Variants in GRM8 observed in about 807,000 individuals in gnomAD.
The protein encoded by GRM8 is glutamate metabotropic receptor 8.
Under a neutral mutation model 87.2 loss-of-function variants are expected in GRM8, and 47 were observed. That is an observed-to-expected ratio of 0.54 (90% CI 0.43 to 0.69). The LOEUF is 0.69. Among genes scored for constraint, GRM8 ranks in the 30% least tolerant of loss-of-function variants. The pLI is 0.00. For synonymous variants in GRM8, 396 were observed against 404.5 expected, an observed-to-expected ratio of 0.98 and a Z score of 0.25; for missense variants, 1,019 against 1,139.2, an observed-to-expected ratio of 0.89 and a Z score of 1.52.
chr7:126,847,687 G>C (rs1005425372), intron 6 of GRM8, among the ~76,000 whole-genome samples: 2 of 152,170 alleles, frequency 1.3e-5, no homozygotes, highest in African/African-American at 4.8e-5. Context: ...GAGCCCAAGA[G>C]AGAGAATCAG....
intron 6 of GRM8, among the ~76,000 whole-genome samples, chr7:126,826,667 G>A (rs1298400736): frequency 6.6e-6 from 1 of 151,990 alleles, no homozygotes; most frequent in African/African-American, 2.4e-5. Context: ...TTTGTAGGTT[G>A]CCTGTTCACT....
In GRM8 at chr7:126,669,740, C is replaced by G. The variant is rs140346438; in HGVS notation, c.1358-60242G>C. Among the ~76,000 whole-genome samples the G allele has an allele frequency of 6.6e-5, 10 of 152,274 alleles. No homozygotes were observed. In the East Asian group the frequency reaches 1.9e-3, roughly 29 times the overall value. ...ACAATTGCTGGGGTTACCATTATAACAGGTAATTGAGACTACTCAAAATAG... is the reference window on the plus strand; with the variant it reads ...ACAATTGCTGGGGTTACCATTATAAGAGGTAATTGAGACTACTCAAAATAG... On this transcript the variant is annotated intron_variant, in intron 7 of 10. Transcript: ENST00000339582.
At chr7:126,727,967 C>T (rs951287923) in intron 7 of GRM8, among the ~76,000 whole-genome samples, 1 of 152,122 alleles carries the variant, frequency 6.6e-6, no homozygotes, top group East Asian at 1.9e-4. Context: ...TGCTTACATT[C>T]TGATATGATT....
chr7:126,639,286 G>T (rs574495257), intron 7 of GRM8, among the ~76,000 whole-genome samples: 1 of 152,080 alleles, frequency 6.6e-6, no homozygotes, highest in African/African-American at 2.4e-5. Context: ...GTCACAAATT[G>T]TAAGAGGTAA....
At chr7:126,523,063 G>T in intron 9 of GRM8, among the ~76,000 whole-genome samples, 1 of 152,170 alleles carries the variant, frequency 6.6e-6, no homozygotes, top group East Asian at 1.9e-4. Context: ...TTTAGCAATT[G>T]TATTAAACCT....
At chr7:126,559,456 C>T (rs1041734001) in intron 8 of GRM8, among the ~76,000 whole-genome samples, 2 of 151,994 alleles carry the variant, frequency 1.3e-5, no homozygotes, top group Admixed American at 1.3e-4. Context: ...TACAGGCATA[C>T]GCCACCACAC....
chr7:126,784,130 A>G (rs1392699001), intron 6 of GRM8, among the ~76,000 whole-genome samples: 3 of 152,194 alleles, frequency 2.0e-5, no homozygotes, highest in Non-Finnish European at 4.4e-5. Context: ...AGGACCTGGA[A>G]AACATTCCAA....
At chr7:126,614,182 C>T (rs986140734) in intron 7 of GRM8, among the ~76,000 whole-genome samples, 1 of 152,136 alleles carries the variant, frequency 6.6e-6, no homozygotes, top group Non-Finnish European at 1.5e-5. Context: ...GACGAAACTT[C>T]CAGAGGAACG....
chr7:127,042,642 C>A (rs1818533530), intron 3 of GRM8, among the ~76,000 whole-genome samples: 1 of 152,154 alleles, frequency 6.6e-6, no homozygotes, highest in Non-Finnish European at 1.5e-5. Flanking sequence ...AAATGTTACA[C>A]CTAAAACCAT....
intron 3 of GRM8, among the ~76,000 whole-genome samples, chr7:127,048,793 G>C (rs886265808): frequency 6.6e-6 from 1 of 152,110 alleles, no homozygotes; most frequent in African/African-American, 2.4e-5. Context: ...TTATAATTAA[G>C]AGTTTCATGA....
intron 9 of GRM8, among the ~76,000 whole-genome samples, chr7:126,455,187 G>A (rs1803081184): frequency 6.6e-6 from 1 of 151,638 alleles, no homozygotes; most frequent in Admixed American, 6.6e-5. Flanking sequence ...GAATGAATAA[G>A]TCTATTTTTG....
chr7:126,646,484 C>T (rs1213939490), intron 7 of GRM8, among the ~76,000 whole-genome samples: 1 of 152,184 alleles, frequency 6.6e-6, no homozygotes, highest in African/African-American at 2.4e-5. Flanking sequence ...GTAATTTCCT[C>T]CCTCTCTCAG....
intron 9 of GRM8, among the ~76,000 whole-genome samples, chr7:126,489,285 C>T (rs1323664423): frequency 6.6e-6 from 1 of 151,984 alleles, no homozygotes. Context: ...ATAGCTATTA[C>T]CCTGAGTCCT....
chr7:127,240,424 CAAAAA>C (rs11305864), intron 2 of GRM8, among the ~76,000 whole-genome samples: 3 of 141,342 alleles, frequency 2.1e-5, no homozygotes, highest in Non-Finnish European at 4.6e-5. Flanking sequence ...GATTCTATGG[CAAAAA>C]AAAAAAAAAA....
intron 3 of GRM8, among the ~76,000 whole-genome samples, chr7:127,005,672 C>T (rs574479634): frequency 7.9e-5 from 12 of 151,938 alleles, no homozygotes; most frequent in East Asian, 7.7e-4. Flanking sequence ...TACCTCTCCA[C>T]GACTACTCCA....
chr7:127,083,377 T>G (rs558410430), intron 3 of GRM8, among the ~76,000 whole-genome samples: 1 of 152,216 alleles, frequency 6.6e-6, no homozygotes, highest in South Asian at 2.1e-4. Context: ...ATCTCCATCC[T>G]TGCAACCACA....
intron 2 of GRM8, among the ~76,000 whole-genome samples, chr7:127,137,041 A>G (rs1343767370): frequency 1.3e-5 from 2 of 152,158 alleles, no homozygotes; most frequent in Non-Finnish European, 2.9e-5. Flanking sequence ...CAAAGGGCAT[A>G]GGTTTTACGG....
At chr7:127,013,440 G>A (rs1323182353) in intron 3 of GRM8, among the ~76,000 whole-genome samples, 2 of 151,736 alleles carry the variant, frequency 1.3e-5, no homozygotes, top group African/African-American at 2.4e-5. Flanking sequence ...AAAGGGGAAA[G>A]GAAGGCAGGT....
At chr7:127,051,393 C>T in intron 3 of GRM8, among the ~76,000 whole-genome samples, 1 of 151,642 alleles carries the variant, frequency 6.6e-6, no homozygotes, top group East Asian at 1.9e-4. Flanking sequence ...AAAGTTTAAA[C>T]AAAAGAGAAA....
Sources: gnomAD v4.1 joint callset for allele counts (sites outside exome capture counted in the v4.1 genomes callset) on GRCh38, gnomAD v4.1.1 for gene constraint, MANE v1.5 for transcripts, NCBI Gene and HGNC (gene_info 2026-07-23, HGNC 2026-07-21) for gene names.